Variants in CHD8 observed in about 807,000 individuals in gnomAD.
The protein encoded by CHD8 is chromodomain helicase DNA binding protein 8, also known as ATP-dependent chromatin remodeler CHD8.
A neutral mutation model predicts 279.2 loss-of-function variants in CHD8; 31 were observed. That is an observed-to-expected ratio of 0.11 (90% CI 0.08 to 0.15). The LOEUF is 0.15. CHD8 is among the 10% of genes least tolerant of loss of function. CHD8 has a pLI of 1.00. For missense variants in CHD8, 2,146 were observed against 3,230.5 expected, an observed-to-expected ratio of 0.66 and a Z score of 8.14; for synonymous variants, 1,081 against 1,139.6, an observed-to-expected ratio of 0.95 and a Z score of 1.04.
intron 3 of CHD8, 36 bp from the exon 4 acceptor site, chr14:21,428,290 TG>T: frequency 6.3e-7 from 1 of 1,594,410 alleles, no homozygotes; most frequent in Non-Finnish European, 8.6e-7. Flanking sequence ...TCAACTTGCT[TG>T]TAGTTAAATG....
In CHD8 at chr14:21,403,479, G is replaced by C. The variant is rs748583001; in HGVS notation, c.3492C>G (p.Ile1164Met). Residue 1164 changes from isoleucine (I) to methionine (M), a missense_variant, in exon 17 of 38, where the codon ATC becomes ATG. Ile to Met is a conservative substitution (Grantham distance 10). Coordinates refer to ENST00000646647, the MANE Select transcript of CHD8 (RefSeq NM_001170629.2). This position sits in a 1 kb window ranked among gnomAD's most constrained non-coding sequence, Gnocchi z 4.3. ...IFSQMVRCLD[I>M]LEDYLIQRRY... is the part of the protein sequence containing the mutation. The stretch of plus-strand genomic sequence containing the variant: ...TCCTCTGGATTAAATAATCCTCTAG[G>C]ATGTCTAGGCAGCGCACCATCTGAG... 2.5e-6 allele frequency: 4 copies of C among 1,613,074 alleles called. No homozygotes were observed. In the Admixed American group the frequency reaches 6.7e-5, roughly 27 times the overall value.
intron 2 of CHD8, 48 bp downstream of exon 2, chr14:21,430,752 TG>T: frequency 3.4e-6 from 4 of 1,182,300 alleles, no homozygotes; most frequent in African/African-American, 1.5e-5. Flanking sequence ...AAAGAGTTGC[TG>T]GGCCCTCTAT....
At position 21,415,593 on chromosome 14, in the gene CHD8, A is replaced by G; in HGVS notation, c.1949T>C (p.Met650Thr). 2 of 1,571,946 alleles carry G rather than the reference A, an allele frequency of 1.3e-6. No homozygotes were observed. Among genetic ancestry groups the G allele is most frequent in the Non-Finnish European group, 1.7e-6 (2 of 1,157,790 alleles). The change falls in exon 7 of 38, where the codon ATG (methionine) becomes ACG (threonine). Residue 650 changes from methionine (M) to threonine (T), a missense_variant. Met to Thr is a moderately conservative substitution (Grantham distance 81). Transcript: ENST00000646647. ...CCTCACCTCCTTCTTCACAATCCGC[A>G]TAGAAAGCACTTTGTCTACAATGGC... ...DAAIVDKVLS[M>T]RIVKKELPSG... is the part of the protein sequence containing the mutation.
intron 9 of CHD8, 25 bp downstream of exon 9, chr14:21,414,276 A>T: frequency 8.9e-7 from 1 of 1,117,782 alleles, no homozygotes; most frequent in Non-Finnish European, 1.3e-6. Context: ...GAAAGAAATG[A>T]CAGGCAATAC....
intron 26 of CHD8, chr14:21,399,207 A>T (rs566937572): frequency 9.2e-5 from 27 of 294,072 alleles, no homozygotes; most frequent in Non-Finnish European, 1.6e-4. Context: ...CGACAAGATG[A>T]TCTGCTGCAA....
intron 1 of CHD8, chr14:21,436,770 C>T: frequency 2.7e-6 from 1 of 369,744 alleles, no homozygotes; most frequent in South Asian, 2.0e-5. Flanking sequence ...CATGTATTTT[C>T]AGGGGGTAAA....
chr14:21,401,396 A>C lies in CHD8; in HGVS notation c.4173+7T>G. The C allele has an allele frequency of 6.5e-7, 1 of 1,548,600 alleles. No individual in the cohort carries two copies. ...GCGATACTTCCTCCCTAAAAGAAGA[A>C]ACTCACCTTGCTGTTGAGCAGATCC... On this transcript the variant is annotated splice_region_variant and intron_variant, in intron 21 of 37. Coordinates refer to ENST00000646647, the MANE Select transcript of CHD8 (RefSeq NM_001170629.2).
Position 21,426,120 on chromosome 14 carries a change from C to G in CHD8, c.1716+8G>C. On this transcript the variant is annotated splice_region_variant and intron_variant, in intron 5 of 37. Transcript: ENST00000646647. Reference sequence around the variant, plus strand: ...TTTTTCTACTAAATTCTTTTGGGATCCTTTTACCTGAATGCTGCTTTCTTC... The same window carrying G: ...TTTTTCTACTAAATTCTTTTGGGATGCTTTTACCTGAATGCTGCTTTCTTC... The G allele has an allele frequency of 1.3e-6, 2 of 1,529,102 alleles. No individual in the cohort carries two copies. The highest frequency in any genetic ancestry group is 1.2e-5 in the South Asian group (1 of 86,758). 94.7% of individuals were successfully genotyped at this position (1,529,102 alleles called of 1,614,324 possible). A position where few individuals can be genotyped will look rare whatever the true frequency, so the allele number is the denominator to read the frequency against.
intron 5 of CHD8, among the ~76,000 whole-genome samples, chr14:21,424,655 T>G (rs187872550): frequency 6.6e-6 from 1 of 152,238 alleles, no homozygotes; most frequent in East Asian, 1.9e-4. Context: ...GTATTTTTGG[T>G]AGAGACGGGG....
At chr14:21,419,087 A>G (rs1888891359) in intron 5 of CHD8, among the ~76,000 whole-genome samples, 1 of 152,254 alleles carries the variant, frequency 6.6e-6, no homozygotes, top group Admixed American at 6.5e-5. Flanking sequence ...GGGAGGATAT[A>G]TAAACTAAAT....
intron 1 of CHD8, among the ~76,000 whole-genome samples, chr14:21,441,018 A>G (rs1454566425): frequency 6.6e-6 from 1 of 152,066 alleles, no homozygotes; most frequent in Non-Finnish European, 1.5e-5. Context: ...GAGCCTGGGG[A>G]GATAGGGTTC....
intron 1 of CHD8, among the ~76,000 whole-genome samples, chr14:21,454,768 C>A (rs1290059500): frequency 6.6e-6 from 1 of 152,140 alleles, no homozygotes; most frequent in Admixed American, 6.5e-5. Context: ...CTTATCATAA[C>A]TCTTTTTTTA....
intron 1 of CHD8, among the ~76,000 whole-genome samples, chr14:21,450,670 A>C (rs975319904): frequency 2.6e-5 from 4 of 151,838 alleles, no homozygotes; most frequent in African/African-American, 9.7e-5. Context: ...AAAAAAAAAC[A>C]AAAACAGAAA....
intron 10 of CHD8, among the ~76,000 whole-genome samples, chr14:21,411,526 C>A (rs1177670887): frequency 2.6e-5 from 4 of 152,084 alleles, no homozygotes; most frequent in Admixed American, 2.6e-4. Flanking sequence ...CCCAGCTCAC[C>A]CACTGAACAT....
intron 34 of CHD8, 172 bp downstream of exon 34, chr14:21,392,335 T>C (rs72684751): frequency 9.9e-5 from 76 of 769,720 alleles, no homozygotes; most frequent in Non-Finnish European, 1.5e-4. Context: ...TAGGGTTCAA[T>C]AAGGAAAACA....
In CHD8 at chr14:21,394,051, G is replaced by A. The variant is rs1887663707; in HGVS notation, c.5744C>T (p.Pro1915Leu). 1 of 1,613,946 alleles carries A rather than the reference G, an allele frequency of 6.2e-7. No homozygotes were observed. ...LLEDRLALCQ[P>L]PGPELPKWWE... ...CCATTTGGGCAATTCAGGACCAGGA[G>A]GCTGACACAATGCCAGCCGATCTTC... is the stretch of plus-strand genomic sequence containing the variant. The change falls in exon 32 of 38, where the codon CCT (proline) becomes CTT (leucine). Residue 1915 changes from proline to leucine, a missense_variant. Physicochemically the swap from Pro to Leu is moderately conservative, Grantham distance 98. Transcript: ENST00000646647.
intron 1 of CHD8, among the ~76,000 whole-genome samples, chr14:21,453,633 C>G (rs886325206): frequency 6.6e-6 from 1 of 151,832 alleles, no homozygotes; most frequent in African/African-American, 2.4e-5. Context: ...TAGAGAGATT[C>G]TAGAGGTGAA....
At chr14:21,412,777 G>A (rs1410453284) in intron 10 of CHD8, 136 bp downstream of exon 10, 4 of 652,586 alleles carry the variant, frequency 6.1e-6, no homozygotes, top group Non-Finnish European at 1.1e-5. Flanking sequence ...TCTTTCAAAG[G>A]ATTCCACAGA....
Position 21,415,556 on chromosome 14 carries a change from A to C in CHD8, c.1968+18T>G. On this transcript the variant is annotated intron_variant, in intron 7 of 37. Transcript: ENST00000646647. ...AAATAAATAAATAAAAATAATAATA[A>C]TAATAAAAAGCCCTCACCTCCTTCT... 1 of 1,246,124 alleles carries C rather than the reference A, an allele frequency of 8.0e-7. No individual in the cohort carries two copies. The highest frequency in any genetic ancestry group is 2.1e-4 in the Middle Eastern group (1 of 4,688). 77.2% of individuals were successfully genotyped at this position (1,246,124 alleles called of 1,614,324 possible). A position where few individuals can be genotyped will look rare whatever the true frequency, so the allele number is the denominator to read the frequency against.
Sources: gnomAD v4.1 joint callset for allele counts (sites outside exome capture counted in the v4.1 genomes callset) on GRCh38, gnomAD v4.1.1 for gene constraint, Gnocchi (gnomAD v3.1) non-coding constraint, MANE v1.5 for transcripts, NCBI Gene and HGNC (gene_info 2026-07-23, HGNC 2026-07-21) for gene names.